Variants in TRPM1 observed in about 807,000 individuals in gnomAD.
The protein encoded by TRPM1 is TRPM1-203 APA Isoform, Intron 10.
A neutral mutation model predicts 149.4 loss-of-function variants in TRPM1; 113 were observed. That is an observed-to-expected ratio of 0.76 (90% CI 0.65 to 0.88). TRPM1 has a LOEUF of 0.88. TRPM1 is among the 40% of genes least tolerant of loss of function. TRPM1 has a pLI of 0.00. For synonymous variants in TRPM1, 741 were observed against 759.5 expected, an observed-to-expected ratio of 0.98 and a Z score of 0.40; for missense variants, 1,976 against 2,038.7, an observed-to-expected ratio of 0.97 and a Z score of 0.59.
rs1301307032 is a variant in TRPM1 at position 31,040,809 on chromosome 15, G to A, written c.2088-463C>T. Among the ~76,000 whole-genome samples the A allele has an allele frequency of 6.6e-6, 1 of 152,138 alleles. No homozygotes were observed. Among genetic ancestry groups the A allele is most frequent in the Non-Finnish European group, 1.5e-5 (1 of 68,004 alleles). Reference sequence around the variant, plus strand: ...AGGAGTCACAGGAGGGCTGGTGGGTGCCGGCTAGGTTCTTAGTTGATCTGG... The same window carrying A: ...AGGAGTCACAGGAGGGCTGGTGGGTACCGGCTAGGTTCTTAGTTGATCTGG... On this transcript the variant is annotated intron_variant, in intron 17 of 27. Coordinates refer to ENST00000256552, the MANE Select transcript of TRPM1 (RefSeq NM_001252024.2). The surrounding 1 kb of genome is among the most constrained non-coding windows in gnomAD (Gnocchi z 4.2).
intron 1 of TRPM1, among the ~76,000 whole-genome samples, chr15:31,125,751 AAAAAAT>A (rs2035942652): frequency 1.4e-5 from 2 of 142,044 alleles, no homozygotes; most frequent in African/African-American, 5.1e-5. Context: ...AAAAAAAAAA[AAAAAAT>A]TATTAAAAAA....
intron 1 of TRPM1, among the ~76,000 whole-genome samples, chr15:31,141,883 G>A (rs2036167450): frequency 6.6e-6 from 1 of 152,068 alleles, no homozygotes; most frequent in Admixed American, 6.5e-5. Flanking sequence ...TTTATTCAAG[G>A]CCAGTGCCCT....
At chr15:31,152,035 T>C (rs780941918) in intron 1 of TRPM1, among the ~76,000 whole-genome samples, 1 of 152,164 alleles carries the variant, frequency 6.6e-6, no homozygotes, top group Admixed American at 6.5e-5. Flanking sequence ...GCTGGACATG[T>C]TGTCCCTAGG....
At chr15:31,129,512 T>G (rs1303891581) in intron 1 of TRPM1, among the ~76,000 whole-genome samples, 1 of 152,220 alleles carries the variant, frequency 6.6e-6, no homozygotes, top group African/African-American at 2.4e-5. Context: ...AGCTGTAGTT[T>G]GTCAACTTTC....
rs1344799391 is a variant in TRPM1, at chr15:31,001,378, G to A, written c.*444C>T. The A allele has an allele frequency of 6.2e-6, 1 of 160,988 alleles. No individual in the cohort carries two copies. Among genetic ancestry groups the A allele is most frequent in the Non-Finnish European group, 1.3e-5 (1 of 74,744 alleles). The allele number at this position is 160,988 out of a possible 1,614,324, so 10.0% of individuals were successfully genotyped here. A position where few individuals can be genotyped will look rare whatever the true frequency, so the allele number is the denominator to read the frequency against. On this transcript the variant is annotated 3_prime_UTR_variant, in exon 28 of 28. Coordinates refer to ENST00000256552, the MANE Select transcript of TRPM1 (RefSeq NM_001252024.2). ...AGATGGGGTATCACTATGTTGCCCAGGCTGGTCTCAAACTCCTGGACTCAA... is the reference window on the plus strand; with the variant it reads ...AGATGGGGTATCACTATGTTGCCCAAGCTGGTCTCAAACTCCTGGACTCAA...
intron 1 of TRPM1, among the ~76,000 whole-genome samples, chr15:31,146,107 A>G (rs2036221560): frequency 6.6e-6 from 1 of 152,188 alleles, no homozygotes; most frequent in African/African-American, 2.4e-5. Context: ...TAAACTCCTT[A>G]TCGTCACAAT....
intron 1 of TRPM1, among the ~76,000 whole-genome samples, chr15:31,088,776 A>T (rs12911889): frequency 6.6e-6 from 1 of 150,812 alleles, no homozygotes; most frequent in Non-Finnish European, 1.5e-5. Context: ...CAACCATGGT[A>T]TCAAACACCT....
intron 1 of TRPM1, among the ~76,000 whole-genome samples, chr15:31,148,023 A>G (rs2036244417): frequency 6.6e-6 from 1 of 152,196 alleles, no homozygotes; most frequent in Non-Finnish European, 1.5e-5. Flanking sequence ...AACAAAACAA[A>G]AAATGTCAGC....
At position 31,026,182 on chromosome 15, in the gene TRPM1, G is replaced by C. The variant is rs750308120; in HGVS notation, c.3586C>G (p.Gln1196Glu). The change falls in exon 27 of 28, where the codon CAG becomes GAG. Residue 1196 changes from glutamine to glutamate, a missense_variant. Physicochemically the swap from Gln to Glu is conservative, Grantham distance 29. Coordinates refer to ENST00000256552, the MANE Select transcript of TRPM1 (RefSeq NM_001252024.2). ...QEHFREKEDE[Q>E]QSSSDERIRV... is the part of the protein sequence containing the mutation. ...ATGCGCTCGTCGCTGGACGACTGCT[G>C]CTCATCCTCCTTCTCCCGGAAGTGC... 1 of 1,612,234 alleles carries C rather than the reference G, an allele frequency of 6.2e-7. No homozygotes were observed. The highest frequency in any genetic ancestry group is 1.3e-5 in the African/African-American group (1 of 74,950).
At chr15:31,123,708 C>T (rs1218570792) in intron 1 of TRPM1, among the ~76,000 whole-genome samples, 5 of 152,126 alleles carry the variant, frequency 3.3e-5, no homozygotes. Flanking sequence ...ATTTCAAATG[C>T]TAGGAGAATG....
chr15:31,024,584 T>A (rs938375476), intron 27 of TRPM1, among the ~76,000 whole-genome samples: 7 of 151,840 alleles, frequency 4.6e-5, no homozygotes, highest in African/African-American at 1.7e-4. Context: ...CAGAGAAAAA[T>A]GCAATTTGGT....
chr15:31,026,352 A>G (rs1423387713), intron 26 of TRPM1, 81 bp from the exon 27 acceptor site: 5 of 1,541,616 alleles, frequency 3.2e-6, no homozygotes, highest in Non-Finnish European at 3.5e-6. Flanking sequence ...TCACAGCCCC[A>G]CTTTAATTAA....
chr15:31,074,356 C>T (rs1258745376), intron 3 of TRPM1, among the ~76,000 whole-genome samples: 1 of 152,070 alleles, frequency 6.6e-6, no homozygotes, highest in Admixed American at 6.5e-5. Flanking sequence ...TTTTTTATTA[C>T]TAATCCTATC....
At chr15:31,115,900 G>A (rs1054543212) in intron 1 of TRPM1, among the ~76,000 whole-genome samples, 3 of 151,964 alleles carry the variant, frequency 2.0e-5, no homozygotes, top group African/African-American at 4.8e-5. Flanking sequence ...CAGATTTGGG[G>A]CCTGGTAAGA....
intron 1 of TRPM1, among the ~76,000 whole-genome samples, chr15:31,160,443 A>C (rs2036430063): frequency 6.6e-6 from 1 of 151,802 alleles, no homozygotes; most frequent in African/African-American, 2.4e-5. Context: ...CCTCTGCCAG[A>C]CCCCATCCCC....
intron 1 of TRPM1, among the ~76,000 whole-genome samples, chr15:31,117,417 C>T (rs1282913608): frequency 6.6e-6 from 1 of 151,982 alleles, no homozygotes; most frequent in Non-Finnish European, 1.5e-5. Context: ...ACCCAGGAGG[C>T]AGAGGTTGCA....
chr15:31,016,337 TTGTGATGCAA>T (rs2032354081), intron 27 of TRPM1, among the ~76,000 whole-genome samples: 1 of 152,236 alleles, frequency 6.6e-6, no homozygotes, highest in Admixed American at 6.5e-5. Flanking sequence ...AGTGGTACTT[TTGTGATGCAA>T]AGTGTGCTTT....
At chr15:31,148,139 G>C (rs2036246780) in intron 1 of TRPM1, among the ~76,000 whole-genome samples, 3 of 152,214 alleles carry the variant, frequency 2.0e-5, no homozygotes. Context: ...ATAACAATGT[G>C]TCCTTGTGGG....
rs770380556 is a variant in TRPM1 at position 31,028,410 on chromosome 15, C to CA, written c.3214dup (p.Trp1072LeufsTer32). 13 of 1,614,102 alleles carry CA rather than the reference C, an allele frequency of 8.1e-6. No individual in the cohort carries two copies. Among genetic ancestry groups the CA allele is most frequent in the Non-Finnish European group, 1.0e-5 (12 of 1,180,042 alleles). On this transcript the variant is annotated frameshift_variant, in exon 25 of 28. Coordinates refer to ENST00000256552, the MANE Select transcript of TRPM1 (RefSeq NM_001252024.2). LOFTEE classifies it high-confidence loss of function. Reference sequence around the variant, plus strand: ...GCACGCCATGAGTGCTGGAGTGAGCCAGGCGCCGGGGATACAGGGAGGAAG... The same window carrying CA: ...GCACGCCATGAGTGCTGGAGTGAGCCAAGGCGCCGGGGATACAGGGAGGAAG...
Sources: gnomAD v4.1 joint callset for allele counts (sites outside exome capture counted in the v4.1 genomes callset) on GRCh38, gnomAD v4.1.1 for gene constraint, Gnocchi (gnomAD v3.1) non-coding constraint, MANE v1.5 for transcripts, NCBI Gene and HGNC (gene_info 2026-07-23, HGNC 2026-07-21) for gene names.